Variants in SORCS3 observed in about 807,000 individuals in gnomAD.
The protein encoded by SORCS3 is VPS10 domain-containing receptor SorCS3.
Under a neutral mutation model 146.3 loss-of-function variants are expected in SORCS3, and 57 were observed. That is an observed-to-expected ratio of 0.39 (90% CI 0.31 to 0.49). The LOEUF (loss-of-function observed/expected upper bound fraction) is 0.49, where lower values mean the gene tolerates loss of function less well. Ranked by LOEUF, SORCS3 falls within the 20% of genes least tolerant of loss-of-function variation. SORCS3 has a pLI of 0.92. For synonymous variants in SORCS3, 653 were observed against 618.5 expected, an observed-to-expected ratio of 1.06 and a Z score of -0.83; for missense variants, 1,341 against 1,575.5, an observed-to-expected ratio of 0.85 and a Z score of 2.52.
At chr10:104,971,944 C>A (rs2054862964) in intron 3 of SORCS3, among the ~76,000 whole-genome samples, 1 of 152,118 alleles carries the variant, frequency 6.6e-6, no homozygotes, top group African/African-American at 2.4e-5. Context: ...GTCTGAGTGT[C>A]TAAGCGTTTA....
chr10:105,005,571 T>C lies in SORCS3; in HGVS notation c.954+28078T>C, dbSNP rs533215273. Among the ~76,000 whole-genome samples the C allele has an allele frequency of 4.6e-5, 7 of 152,288 alleles. No homozygotes were observed. In the East Asian group the frequency reaches 1.4e-3, roughly 29 times the overall value. Reference sequence around the variant, plus strand: ...GAATAATAGCAGGGGTAGAATTATATACAAGATGGAACACCGTTCTCCTTT... The same window carrying C: ...GAATAATAGCAGGGGTAGAATTATACACAAGATGGAACACCGTTCTCCTTT... On this transcript the variant is annotated intron_variant, in intron 4 of 26. Coordinates refer to ENST00000369701, the MANE Select transcript of SORCS3 (RefSeq NM_014978.3).
intron 3 of SORCS3, among the ~76,000 whole-genome samples, chr10:104,922,776 A>AG (rs58109256): frequency 0.33 from 49,642 of 152,046 alleles, 9,608 homozygotes; most frequent in African/African-American, 0.54. Flanking sequence ...TGGCATATTC[A>AG]AGTGGTAACT....
chr10:105,210,852 A>G (rs2056629139), intron 16 of SORCS3, among the ~76,000 whole-genome samples: 1 of 152,216 alleles, frequency 6.6e-6, no homozygotes, highest in South Asian at 2.1e-4. Context: ...CTCCCAAGCC[A>G]ATGTACCTGC....
intron 4 of SORCS3, among the ~76,000 whole-genome samples, chr10:105,010,223 A>T (rs2055126040): frequency 6.6e-6 from 1 of 152,202 alleles, no homozygotes; most frequent in Admixed American, 6.5e-5. Flanking sequence ...AGAAACATGA[A>T]AGTACTTTGT....
At chr10:105,099,449 C>G (rs145152860) in intron 6 of SORCS3, among the ~76,000 whole-genome samples, 1 of 152,230 alleles carries the variant, frequency 6.6e-6, no homozygotes. Flanking sequence ...CTTAGTAATT[C>G]TCAAAGGCAA....
At chr10:104,643,312 A>G (rs758018313) in intron 1 of SORCS3, among the ~76,000 whole-genome samples, 13 of 152,120 alleles carry the variant, frequency 8.5e-5, no homozygotes, top group Non-Finnish European at 1.6e-4. Context: ...GATGTCCAGG[A>G]TTGGGTATCT....
At chr10:104,745,305 T>C (rs1225772044) in intron 1 of SORCS3, among the ~76,000 whole-genome samples, 1 of 152,164 alleles carries the variant, frequency 6.6e-6, no homozygotes, top group Non-Finnish European at 1.5e-5. Flanking sequence ...AGCCTATCAA[T>C]TGAGAAAGAT....
At chr10:104,870,451 C>G (rs1022220442) in intron 2 of SORCS3, among the ~76,000 whole-genome samples, 64 of 143,976 alleles carry the variant, frequency 4.4e-4, no homozygotes, top group African/African-American at 1.3e-3. Flanking sequence ...TTTTTTTTTT[C>G]TTGTTAACAA....
At chr10:104,708,505 A>G (rs920725036) in intron 1 of SORCS3, among the ~76,000 whole-genome samples, 1 of 152,210 alleles carries the variant, frequency 6.6e-6, no homozygotes, top group African/African-American at 2.4e-5. Flanking sequence ...AAGTTGGTAA[A>G]GAAGAGAAAG....
At chr10:104,962,552 C>T (rs1230727837) in intron 3 of SORCS3, among the ~76,000 whole-genome samples, 4 of 152,138 alleles carry the variant, frequency 2.6e-5, no homozygotes, top group Admixed American at 2.6e-4. Context: ...TTCCTGTCCA[C>T]ACTGAGTCTT....
At chr10:105,164,107 C>T (rs2056291796) in intron 11 of SORCS3, among the ~76,000 whole-genome samples, 196 bp from the exon 12 acceptor site, 1 of 152,194 alleles carries the variant, frequency 6.6e-6, no homozygotes, top group African/African-American at 2.4e-5. Context: ...GCATTTCTGT[C>T]ATACTATTTA....
intron 14 of SORCS3, among the ~76,000 whole-genome samples, chr10:105,189,362 G>A (rs76590698): frequency 2.0e-5 from 3 of 152,166 alleles, no homozygotes; most frequent in Non-Finnish European, 4.4e-5. Flanking sequence ...TGAGAGGAAA[G>A]GCTGTGCAGG....
intron 2 of SORCS3, among the ~76,000 whole-genome samples, chr10:104,891,596 CCTT>C (rs1437234313): frequency 2.0e-5 from 3 of 152,000 alleles, no homozygotes; most frequent in Admixed American, 1.3e-4. Context: ...GGATGCTTCT[CCTT>C]CATTGTCTTG....
At chr10:104,691,826 A>G (rs1255333473) in intron 1 of SORCS3, among the ~76,000 whole-genome samples, 1 of 152,036 alleles carries the variant, frequency 6.6e-6, no homozygotes, top group Non-Finnish European at 1.5e-5. Flanking sequence ...CCATAACTTC[A>G]AACTCCTGGG....
At chr10:105,089,642 T>G in intron 5 of SORCS3, 133 bp from the exon 6 acceptor site, 4 of 698,742 alleles carry the variant, frequency 5.7e-6, no homozygotes, top group Non-Finnish European at 7.8e-6. Flanking sequence ...CACATTCTGC[T>G]GGTTCCCATA....
chr10:104,863,274 C>A (rs2133562357), intron 2 of SORCS3, among the ~76,000 whole-genome samples: 1 of 152,288 alleles, frequency 6.6e-6, no homozygotes, highest in Non-Finnish European at 1.5e-5. Context: ...TAGGGATATC[C>A]CTAGCAGAAC....
intron 3 of SORCS3, among the ~76,000 whole-genome samples, chr10:104,949,202 G>T (rs1413331063): frequency 6.6e-6 from 1 of 152,016 alleles, no homozygotes; most frequent in East Asian, 1.9e-4. Context: ...ATTTAAAATT[G>T]CTATGTTTGC....
intron 1 of SORCS3, among the ~76,000 whole-genome samples, chr10:104,815,541 G>A (rs2017787999): frequency 6.7e-6 from 1 of 149,004 alleles, no homozygotes; most frequent in South Asian, 2.2e-4. Flanking sequence ...ATTTGACATT[G>A]AGATACAAAT....
At chr10:105,114,753 G>A (rs1447149089) in intron 7 of SORCS3, among the ~76,000 whole-genome samples, 3 of 145,480 alleles carry the variant, frequency 2.1e-5, no homozygotes, top group African/African-American at 7.6e-5. Context: ...CTACTACCCA[G>A]TGGTATTTTC....
Sources: allele counts gnomAD v4.1 joint callset (sites outside exome capture counted in the v4.1 genomes callset), GRCh38; gene constraint gnomAD v4.1.1; transcripts MANE v1.5; gene names NCBI Gene and HGNC (gene_info 2026-07-23, HGNC 2026-07-21).